Variants in FOXP2 observed in about 807,000 individuals in gnomAD.
FOXP2 encodes the protein forkhead box P2, also known as forkhead box protein P2.
Under a neutral mutation model 115.8 loss-of-function variants are expected in FOXP2, and 12 were observed. The ratio of observed to expected loss-of-function variants is 0.10; its 90% CI spans 0.07 to 0.17. FOXP2 has a LOEUF of 0.17. Ranked by LOEUF, FOXP2 falls within the 10% of genes least tolerant of loss-of-function variation. FOXP2 has a pLI of 1.00. For synonymous variants in FOXP2, 328 were observed against 297.7 expected (o/e 1.10, Z -1.05); for missense variants, 629 against 843.5 (o/e 0.75, Z 3.15).
chr7:114,535,039 A>G (rs1799313292), intron 3 of FOXP2, among the ~76,000 whole-genome samples: 1 of 151,842 alleles, frequency 6.6e-6, no homozygotes, highest in East Asian at 1.9e-4. Flanking sequence ...CTTAAAAGCA[A>G]AGTTATAGTA....
intron 1 of FOXP2, among the ~76,000 whole-genome samples, chr7:114,225,733 G>A (rs1268613271): frequency 6.6e-6 from 1 of 152,116 alleles, no homozygotes; most frequent in African/African-American, 2.4e-5. Flanking sequence ...GATTTCAGGT[G>A]TGAGACACTG....
At chr7:114,093,789 A>G (rs1799588907) in intron 1 of FOXP2, among the ~76,000 whole-genome samples, 1 of 152,060 alleles carries the variant, frequency 6.6e-6, no homozygotes, top group Non-Finnish European at 1.5e-5. Flanking sequence ...ATTTTAAATT[A>G]TTGATCTGAG....
intron 2 of FOXP2, among the ~76,000 whole-genome samples, chr7:114,378,630 G>A (rs1206861058): frequency 8.0e-6 from 1 of 125,192 alleles, no homozygotes; most frequent in Non-Finnish European, 1.6e-5. Context: ...GCTGCAGTGA[G>A]CCATACTCGA....
chr7:114,133,716 G>A (rs183924391), intron 1 of FOXP2, among the ~76,000 whole-genome samples: 1 of 152,342 alleles, frequency 6.6e-6, no homozygotes, highest in Admixed American at 6.5e-5. Flanking sequence ...GTTTTCTGGA[G>A]TGAGTTAGTT....
intron 3 of FOXP2, among the ~76,000 whole-genome samples, chr7:114,618,605 C>G (rs1335196758): frequency 1.3e-5 from 2 of 152,092 alleles, no homozygotes; most frequent in Admixed American, 1.3e-4. Flanking sequence ...ATATTTTGTA[C>G]CAGAATATTC....
chr7:114,635,081 T>G (rs1249371654), intron 6 of FOXP2, among the ~76,000 whole-genome samples: 3 of 152,182 alleles, frequency 2.0e-5, no homozygotes, highest in Non-Finnish European at 4.4e-5. Flanking sequence ...GAACTAGAGA[T>G]TCTCAGAATA....
Position 114,631,511 on chromosome 7 carries a change from G to C in FOXP2, c.598-17G>C. On this transcript the variant is annotated splice_polypyrimidine_tract_variant and intron_variant, in intron 5 of 16. Transcript: ENST00000350908. ...CATGTTCTCTGCTGTTTACTGGTTTGGGTTTTCTGATACCAGCAGCAGCAG... is the reference window on the plus strand; with the variant it reads ...CATGTTCTCTGCTGTTTACTGGTTTCGGTTTTCTGATACCAGCAGCAGCAG... 6.4e-7 allele frequency: 1 copy of C among 1,555,910 alleles called. No homozygotes were observed.
intron 1 of FOXP2, among the ~76,000 whole-genome samples, chr7:114,274,395 A>G (rs1271802738): frequency 1.3e-5 from 2 of 152,124 alleles, no homozygotes; most frequent in East Asian, 1.9e-4. Context: ...TATTCCTTCT[A>G]TTATCCTCTT....
At chr7:114,678,152 A>T (rs1807876092) in intron 16 of FOXP2, among the ~76,000 whole-genome samples, 1 of 152,242 alleles carries the variant, frequency 6.6e-6, no homozygotes, top group Admixed American at 6.5e-5. Flanking sequence ...TTATGAAATT[A>T]TTCATATTTG....
intron 2 of FOXP2, among the ~76,000 whole-genome samples, chr7:114,480,669 G>A (rs1340535001): frequency 1.3e-5 from 2 of 150,136 alleles, no homozygotes; most frequent in Non-Finnish European, 3.0e-5. Context: ...GTATATACAT[G>A]TGTGTACATA....
chr7:114,679,417 C>A (rs564667161), intron 16 of FOXP2, among the ~76,000 whole-genome samples: 1 of 152,212 alleles, frequency 6.6e-6, no homozygotes, highest in Non-Finnish European at 1.5e-5. Context: ...CATTTGGCAA[C>A]TCTACCTGCA....
intron 2 of FOXP2, among the ~76,000 whole-genome samples, chr7:114,441,550 C>T (rs1049990197): frequency 6.6e-6 from 1 of 152,108 alleles, no homozygotes; most frequent in Non-Finnish European, 1.5e-5. Flanking sequence ...CAATAGCAGC[C>T]TTCAGTTTAT....
At chr7:114,514,100 C>T (rs1160431657) in intron 2 of FOXP2, among the ~76,000 whole-genome samples, 1 of 151,510 alleles carries the variant, frequency 6.6e-6, no homozygotes, top group Non-Finnish European at 1.5e-5. Context: ...CACACACACA[C>T]ACACACACAC....
intron 16 of FOXP2, chr7:114,665,131 T>G (rs764378738): frequency 6.6e-6 from 1 of 152,224 alleles, no homozygotes; most frequent in Non-Finnish European, 1.5e-5. Flanking sequence ...TAAAAATTGA[T>G]GTATTGTGGA....
intron 16 of FOXP2, among the ~76,000 whole-genome samples, chr7:114,674,257 A>G (rs887052541): frequency 6.6e-6 from 1 of 152,214 alleles, no homozygotes; most frequent in East Asian, 1.9e-4. Context: ...TTTGATATTT[A>G]TCATTAGCCA....
chr7:114,239,625 T>C (rs1412222604), intron 1 of FOXP2, among the ~76,000 whole-genome samples: 2 of 152,124 alleles, frequency 1.3e-5, no homozygotes, highest in East Asian at 3.9e-4. Flanking sequence ...GAATGCTAGA[T>C]AGAATTTCAG....
chr7:114,582,563 G>T (rs1343840908), intron 3 of FOXP2, among the ~76,000 whole-genome samples: 1 of 152,164 alleles, frequency 6.6e-6, no homozygotes, highest in Non-Finnish European at 1.5e-5. Flanking sequence ...TCTCATAAAA[G>T]ATTGTAATAA....
chr7:114,561,440 A>G (rs1182026560), intron 3 of FOXP2: 1 of 152,258 alleles, frequency 6.6e-6, no homozygotes, highest in Non-Finnish European at 1.5e-5. Context: ...TCTATGCAGT[A>G]TCTTCCTAAA....
intron 2 of FOXP2, among the ~76,000 whole-genome samples, chr7:114,356,357 A>G (rs946128819): frequency 6.6e-6 from 1 of 152,158 alleles, no homozygotes; most frequent in African/African-American, 2.4e-5. Context: ...CTTGTTATAA[A>G]CTACATAATA....
Sources: gnomAD v4.1 joint callset for allele counts (sites outside exome capture counted in the v4.1 genomes callset) on GRCh38, gnomAD v4.1.1 for gene constraint, MANE v1.5 for transcripts, NCBI Gene and HGNC (gene_info 2026-07-23, HGNC 2026-07-21) for gene names.